The following HNRNPUL1 variants were observed in gnomAD, a reference collection of about 807,000 sequenced individuals.
The protein encoded by HNRNPUL1 is heterogeneous nuclear ribonucleoprotein U like 1, also known as heterogeneous nuclear ribonucleoprotein U-like protein 1.
HNRNPUL1 carries 14 observed loss-of-function variants against 108.5 expected under a neutral mutation model. That is an observed-to-expected ratio of 0.13 (90% CI 0.09 to 0.20). The LOEUF is 0.20. HNRNPUL1 is among the 10% of genes least tolerant of loss of function. The probability of loss-of-function intolerance (pLI) is 1.00; values close to 1 mark genes in which losing one functional copy is unlikely to be tolerated. For synonymous variants in HNRNPUL1, 422 were observed against 445.2 expected (o/e 0.95, Z 0.66); for missense variants, 804 against 1,168.3 (o/e 0.69, Z 4.55).
intron 1 of HNRNPUL1, chr19:41,265,232 G>C (rs946403371): frequency 3.9e-6 from 6 of 1,523,160 alleles, no homozygotes. Flanking sequence ...GTGGGGAGCC[G>C]TGTTTCCAGG....
intron 5 of HNRNPUL1, among the ~76,000 whole-genome samples, chr19:41,278,083 C>T (rs771134276): frequency 1.5e-4 from 23 of 151,582 alleles, no homozygotes; most frequent in Admixed American, 2.0e-4. Context: ...GTTTTGTTGA[C>T]GGAGTTTCAC....
At chr19:41,281,432 G>A (rs1182214537) in intron 7 of HNRNPUL1, among the ~76,000 whole-genome samples, 157 bp downstream of exon 7, 1 of 151,852 alleles carries the variant, frequency 6.6e-6, no homozygotes, top group Non-Finnish European at 1.5e-5. Flanking sequence ...CTGTCATTTT[G>A]TGGGAAATTC....
chr19:41,272,547 T>C (rs907550153), intron 3 of HNRNPUL1, among the ~76,000 whole-genome samples: 1 of 152,190 alleles, frequency 6.6e-6, no homozygotes, highest in African/African-American at 2.4e-5. Flanking sequence ...ATACCCGTAA[T>C]GAAAGAAATA....
At position 41,284,224 on chromosome 19, in the gene HNRNPUL1, A is replaced by G. The variant is rs548059353; in HGVS notation, c.999+2949A>G. Among the ~76,000 whole-genome samples, 4 of 152,340 alleles carry G rather than the reference A, an allele frequency of 2.6e-5. 1 individual carries two copies. Among genetic ancestry groups the G allele is most frequent in the Middle Eastern group, 6.8e-3 (2 of 294 alleles). On this transcript the variant is annotated intron_variant, in intron 7 of 14. Transcript: ENST00000392006. ...AAATTTGAATTGGTTGATATGCACT[A>G]TAGATTGAGGTCTGCAGCTGTAGTT... is the stretch of plus-strand genomic sequence containing the variant.
In HNRNPUL1 at chr19:41,299,821, C is replaced by T. The variant is rs79479300; in HGVS notation, c.1519-1715C>T. On this transcript the variant is annotated intron_variant, in intron 10 of 14. Transcript: ENST00000392006. ...GCTTGGGAGGTCACTATAAGCTTAA[C>T]CTTTTCTTTGGTCTGAGTTGCTTCA... is the stretch of plus-strand genomic sequence containing the variant. Among the ~76,000 whole-genome samples, 202 of 152,036 alleles carry T rather than the reference C, an allele frequency of 1.3e-3. 1 individual carries two copies. Among genetic ancestry groups the T allele is most frequent in the African/African-American group, 4.7e-3 (193 of 41,448 alleles).
At chr19:41,274,818 G>A (rs1163618926) in intron 4 of HNRNPUL1, among the ~76,000 whole-genome samples, 1 of 152,186 alleles carries the variant, frequency 6.6e-6, no homozygotes, top group Non-Finnish European at 1.5e-5. Flanking sequence ...ACATGCTTTA[G>A]TAAGAGATAA....
At position 41,306,839 on chromosome 19, in the gene HNRNPUL1, T is replaced by C. The variant is rs2037576246; in HGVS notation, c.*274T>C. ...TCCACCTCCTGTTCTTCCTACCTTCTTCCTTTTTGACTAAATAATCCCCAC... is the reference window on the plus strand; with the variant it reads ...TCCACCTCCTGTTCTTCCTACCTTCCTCCTTTTTGACTAAATAATCCCCAC... On this transcript the variant is annotated 3_prime_UTR_variant, in exon 15 of 15. Transcript: ENST00000392006. The C allele has an allele frequency of 1.1e-5, 3 of 284,912 alleles. No individual in the cohort carries two copies. The highest frequency in any genetic ancestry group is 1.2e-4 in the East Asian group (2 of 16,924). The allele number at this position is 284,912 out of a possible 1,614,324, so 17.6% of individuals were successfully genotyped here.
At chr19:41,270,013 G>A (rs942388264) in intron 2 of HNRNPUL1, among the ~76,000 whole-genome samples, 5 of 150,888 alleles carry the variant, frequency 3.3e-5, no homozygotes, top group East Asian at 1.9e-4. Flanking sequence ...ACGAAGTCTC[G>A]CTCTTGTTCC....
At chr19:41,303,371 G>C (rs77109026) in intron 12 of HNRNPUL1, among the ~76,000 whole-genome samples, 15 of 39,226 alleles carry the variant, frequency 3.8e-4, no homozygotes, top group Admixed American at 3.3e-3. Context: ...TTTTTTTTTT[G>C]AGACGGAGTT....
At chr19:41,283,521 T>C (rs2122682835) in intron 7 of HNRNPUL1, among the ~76,000 whole-genome samples, 1 of 152,274 alleles carries the variant, frequency 6.6e-6, no homozygotes, top group South Asian at 2.1e-4. Context: ...GGTGGCGCAA[T>C]CTCGGCTCAC....
intron 13 of HNRNPUL1, 32 bp from the exon 14 acceptor site, chr19:41,305,644 A>G: frequency 6.2e-7 from 1 of 1,613,722 alleles, no homozygotes; most frequent in Non-Finnish European, 8.5e-7. Context: ...TCTATTTCAC[A>G]GAGCTTTGGC....
chr19:41,268,235 A>G lies in HNRNPUL1; in HGVS notation c.308A>G (p.Asn103Ser), dbSNP rs114670612. 2.0e-4 allele frequency: 328 copies of G among 1,613,880 alleles called. 1 individual carries two copies. The East Asian group carries it at 5.4e-3, about 26-fold the overall frequency. ...SGPDGHYAMD[N>S]ITRQNQFYDT... ...ATTTTGTTTTAAGATGCCATGGACAATATTACCAGGCAGAACCAATTCTAC... is the reference window on the plus strand; with the variant it reads ...ATTTTGTTTTAAGATGCCATGGACAGTATTACCAGGCAGAACCAATTCTAC... The change falls in exon 2 of 15, where the codon AAT (asparagine) becomes AGT (serine). Residue 103 changes from asparagine to serine, a missense_variant. Around this residue, in one of 4 missense-constraint regions of HNRNPUL1, gnomAD observed 256 missense variants for 261.6 expected, o/e 0.98. Coordinates refer to ENST00000392006, the MANE Select transcript of HNRNPUL1 (RefSeq NM_007040.6).
At chr19:41,283,034 T>G (rs1250763183) in intron 7 of HNRNPUL1, among the ~76,000 whole-genome samples, 1 of 152,182 alleles carries the variant, frequency 6.6e-6, no homozygotes, top group Non-Finnish European at 1.5e-5. Context: ...TTTGGAGATT[T>G]GCAACAATTT....
chr19:41,273,677 C>T lies in HNRNPUL1; in HGVS notation c.573-305C>T, dbSNP rs527577863. On this transcript the variant is annotated intron_variant, in intron 3 of 14. Coordinates refer to ENST00000392006, the MANE Select transcript of HNRNPUL1 (RefSeq NM_007040.6). ...CAGTGTGGAAGTGGTTGTCAACATG[C>T]AGAGGGTATGGATCAGAATCTTTGG... Among the ~76,000 whole-genome samples, 327 of 152,302 alleles carry T rather than the reference C, an allele frequency of 2.1e-3. 1 individual carries two copies. Among genetic ancestry groups the T allele is most frequent in the Non-Finnish European group, 3.5e-3 (236 of 68,028 alleles).
At chr19:41,269,018 A>AGGGGAT (rs1256524588) in intron 2 of HNRNPUL1, among the ~76,000 whole-genome samples, 12 of 152,096 alleles carry the variant, frequency 7.9e-5, no homozygotes, top group African/African-American at 2.9e-4. Flanking sequence ...GTTTCAGGGG[A>AGGGGAT]TATTATTAGG....
chr19:41,305,678 G>T lies in HNRNPUL1; in HGVS notation c.2265G>T (p.Pro755=). ...GCTTTTTTCCCTCCACTTTCCAGCC[G>T]AGTTACAGCCAGCCACCCTACAACC... is the stretch of plus-strand genomic sequence containing the variant. ...PTVSSYSPPQ[P]SYSQPPYNQG... Residue 755 remains proline (P), a splice_region_variant and synonymous_variant, in exon 14 of 15, where the codon CCG becomes CCT. Transcript: ENST00000392006. 1 of 1,614,002 alleles carries T rather than the reference G, an allele frequency of 6.2e-7. No individual in the cohort carries two copies. Among genetic ancestry groups the T allele is most frequent in the Non-Finnish European group, 8.5e-7 (1 of 1,179,944 alleles).
chr19:41,276,520 TC>T, intron 5 of HNRNPUL1: 1 of 456,952 alleles, frequency 2.2e-6, no homozygotes, highest in South Asian at 3.8e-5. Context: ...AGCAGATATT[TC>T]CTTGGTGAGA....
At chr19:41,265,144 G>A (rs1179590907) in intron 1 of HNRNPUL1, 4 of 1,422,188 alleles carry the variant, frequency 2.8e-6, no homozygotes, top group South Asian at 3.0e-5. Context: ...GGTTGGGGAG[G>A]GTCTCGAAAA....
intron 6 of HNRNPUL1, 49 bp from the exon 7 acceptor site, chr19:41,281,114 G>A: frequency 8.3e-7 from 1 of 1,204,092 alleles, no homozygotes; most frequent in Non-Finnish European, 1.2e-6. Context: ...CATTGAGGCT[G>A]TTATGACCAT....
Sources: allele counts gnomAD v4.1 joint callset (sites outside exome capture counted in the v4.1 genomes callset), GRCh38; gene constraint gnomAD v4.1.1; regional missense constraint gnomAD v4.1.1; transcripts MANE v1.5; gene names NCBI Gene and HGNC (gene_info 2026-07-23, HGNC 2026-07-21).